SEMA5A: variants seen among roughly 807,000 people sequenced by gnomAD.
The protein encoded by SEMA5A is semaphorin 5A.
In SEMA5A, 55 loss-of-function variants were observed where a neutral mutation model predicts 135.5. The observed-to-expected ratio is 0.41, with a 90% CI of 0.33 to 0.51. SEMA5A has a LOEUF of 0.51. Ranked by LOEUF, SEMA5A falls within the 20% of genes least tolerant of loss-of-function variation. The pLI, the probability that SEMA5A is intolerant of heterozygous loss-of-function variation, is 0.37. For missense variants in SEMA5A, 1,290 were observed against 1,419.9 expected (o/e 0.91, Z 1.47); for synonymous variants, 580 against 546.5 (o/e 1.06, Z -0.85).
intron 3 of SEMA5A, among the ~76,000 whole-genome samples, chr5:9,361,991 G>T (rs1283878939): frequency 6.6e-6 from 1 of 152,186 alleles, no homozygotes; most frequent in Non-Finnish European, 1.5e-5. Context: ...GGCAAGGAAG[G>T]TTCTTATTTG....
intron 3 of SEMA5A, among the ~76,000 whole-genome samples, chr5:9,358,542 C>T (rs764092129): frequency 2.0e-5 from 3 of 152,208 alleles, no homozygotes; most frequent in African/African-American, 4.8e-5. Context: ...TCTATTGACA[C>T]ATCCATCTTT....
At chr5:9,506,442 C>G (rs1234306558) in intron 1 of SEMA5A, among the ~76,000 whole-genome samples, 4 of 152,194 alleles carry the variant, frequency 2.6e-5, no homozygotes, top group African/African-American at 9.6e-5. Context: ...AAGTAACTAT[C>G]CAGACAGTCT....
intron 16 of SEMA5A, among the ~76,000 whole-genome samples, chr5:9,091,448 G>C (rs917229713): frequency 6.6e-6 from 1 of 151,956 alleles, no homozygotes; most frequent in Non-Finnish European, 1.5e-5. Flanking sequence ...GTCCTGAGAA[G>C]TTTGTGTAAG....
At chr5:9,173,421 A>C (rs542375364) in intron 11 of SEMA5A, among the ~76,000 whole-genome samples, 1 of 152,096 alleles carries the variant, frequency 6.6e-6, no homozygotes, top group South Asian at 2.1e-4. Context: ...TATCAACAAC[A>C]GAGATTTATA....
At chr5:9,445,513 C>CA (rs1163032205) in intron 1 of SEMA5A, among the ~76,000 whole-genome samples, 6 of 151,894 alleles carry the variant, frequency 4.0e-5, no homozygotes, top group African/African-American at 1.5e-4. Flanking sequence ...ACTAAAAATA[C>CA]AAAAAATTAG....
chr5:9,431,868 C>T (rs949401540), intron 2 of SEMA5A, among the ~76,000 whole-genome samples: 4 of 152,146 alleles, frequency 2.6e-5, no homozygotes, highest in African/African-American at 9.7e-5. Context: ...CTCACTCAAT[C>T]ACGAAACTAA....
intron 1 of SEMA5A, among the ~76,000 whole-genome samples, chr5:9,500,900 G>A (rs1288398540): frequency 1.3e-5 from 2 of 152,052 alleles, no homozygotes; most frequent in Non-Finnish European, 2.9e-5. Flanking sequence ...CTTCTAATCT[G>A]GCGTTGACTG....
Position 9,438,492 on chromosome 5 carries a change from A to G in SEMA5A, c.-174-640T>C, listed in dbSNP as rs79178855. 4.0e-3 allele frequency among the ~76,000 whole-genome samples: 609 copies of G among 152,304 alleles called. 6 individuals are homozygous for G. Among genetic ancestry groups the G allele is most frequent in the African/African-American group, 0.014 (574 of 41,568 alleles). On this transcript the variant is annotated intron_variant, in intron 1 of 22. Coordinates refer to ENST00000382496, the MANE Select transcript of SEMA5A (RefSeq NM_003966.3). ...TCTGAAACCTTGATGTTGTCATTGG[A>G]TGGAAAGATGACCACGAAACGCCAG...
chr5:9,169,789 T>C (rs1331048752), intron 11 of SEMA5A, among the ~76,000 whole-genome samples: 1 of 152,210 alleles, frequency 6.6e-6, no homozygotes, highest in Non-Finnish European at 1.5e-5. Flanking sequence ...CAAATGACAC[T>C]GCCCTCATGA....
intron 5 of SEMA5A, among the ~76,000 whole-genome samples, chr5:9,246,965 A>G (rs912948453): frequency 1.3e-5 from 2 of 152,194 alleles, no homozygotes; most frequent in Non-Finnish European, 2.9e-5. Context: ...GAAATTTCAC[A>G]GTTATATGCC....
chr5:9,113,591 AAATT>A (rs1176385261), intron 15 of SEMA5A, among the ~76,000 whole-genome samples: 1 of 152,242 alleles, frequency 6.6e-6, no homozygotes, highest in Non-Finnish European at 1.5e-5. Flanking sequence ...CATCAAAAAT[AAATT>A]AGTTATTGAA....
intron 5 of SEMA5A, among the ~76,000 whole-genome samples, chr5:9,264,025 T>C (rs1009036167): frequency 7.9e-5 from 12 of 152,230 alleles, no homozygotes; most frequent in Non-Finnish European, 1.2e-4. Flanking sequence ...GAAACTCACA[T>C]ATATGGTCAC....
intron 8 of SEMA5A, among the ~76,000 whole-genome samples, chr5:9,207,747 A>C (rs1746110323): frequency 6.6e-6 from 1 of 152,198 alleles, no homozygotes; most frequent in African/African-American, 2.4e-5. Context: ...ATATTCATTA[A>C]AATTAAAAGC....
intron 16 of SEMA5A, among the ~76,000 whole-genome samples, chr5:9,091,215 C>A (rs979244109): frequency 6.6e-6 from 1 of 152,168 alleles, no homozygotes; most frequent in Non-Finnish European, 1.5e-5. Context: ...GAAAAACTTA[C>A]AATGTCCATT....
intron 16 of SEMA5A, among the ~76,000 whole-genome samples, chr5:9,066,876 A>G (rs1476136556): frequency 6.6e-6 from 1 of 152,210 alleles, no homozygotes; most frequent in Admixed American, 6.5e-5. Flanking sequence ...CTGTGTAAAC[A>G]ATGGGAATGA....
At chr5:9,063,382 T>C (rs570243423) in intron 17 of SEMA5A, among the ~76,000 whole-genome samples, 8 of 152,232 alleles carry the variant, frequency 5.3e-5, no homozygotes, top group Non-Finnish European at 8.8e-5. Context: ...AGATTCTATA[T>C]AGGTAGTTCG....
At chr5:9,062,344 T>A (rs1332968042) in intron 18 of SEMA5A, among the ~76,000 whole-genome samples, 1 of 152,146 alleles carries the variant, frequency 6.6e-6, no homozygotes. Flanking sequence ...GTCTTAATAT[T>A]GCTTGGAATG....
rs189580057 is a variant in SEMA5A at position 9,267,092 on chromosome 5, C to G, written c.271-29202G>C. On this transcript the variant is annotated intron_variant, in intron 5 of 22. Coordinates refer to ENST00000382496, the MANE Select transcript of SEMA5A (RefSeq NM_003966.3). ...AGAATCAAGGTGGATTTCTAGGTTG[C>G]TGGCTCAAAACCTTCGAACAGCTCT... is the stretch of plus-strand genomic sequence containing the variant. Among the ~76,000 whole-genome samples the G allele has an allele frequency of 1.0e-3, 156 of 152,288 alleles. 3 individuals are homozygous for G. Among genetic ancestry groups the G allele is most frequent in the Admixed American group, 3.4e-3 (52 of 15,292 alleles).
intron 15 of SEMA5A, among the ~76,000 whole-genome samples, chr5:9,114,702 G>C (rs900221336): frequency 6.6e-6 from 1 of 152,194 alleles, no homozygotes; most frequent in African/African-American, 2.4e-5. Flanking sequence ...AAATGTAGGT[G>C]AAGAAAGACT....
Sources: allele counts gnomAD v4.1 joint callset (sites outside exome capture counted in the v4.1 genomes callset), GRCh38; gene constraint gnomAD v4.1.1; transcripts MANE v1.5; gene names NCBI Gene and HGNC (gene_info 2026-07-23, HGNC 2026-07-21).